Variants in ANKRD44 observed in about 807,000 individuals in gnomAD.
ANKRD44 encodes ankyrin repeat domain 44.
A neutral mutation model predicts 116.0 loss-of-function variants in ANKRD44; 35 were observed. That is an observed-to-expected ratio of 0.30 (90% confidence interval 0.23 to 0.40). ANKRD44 has a LOEUF of 0.40. Among genes scored for constraint, ANKRD44 ranks in the 10% least tolerant of loss-of-function variants. The probability of loss-of-function intolerance (pLI) is 1.00; values close to 1 mark genes in which losing one functional copy is unlikely to be tolerated. For missense variants in ANKRD44, 1,014 were observed against 1,242.6 expected, an observed-to-expected ratio of 0.82 and a Z score of 2.77; for synonymous variants, 435 against 461.8, an observed-to-expected ratio of 0.94 and a Z score of 0.74.
At chr2:197,068,394 A>AT (rs71012946) in intron 16 of ANKRD44, among the ~76,000 whole-genome samples, 97,976 of 139,946 alleles carry the variant, frequency 0.7, 35,816 homozygotes, top group East Asian at 0.85. Context: ...AAATAAAAAA[A>AT]AAATAAAAAT....
intron 1 of ANKRD44, among the ~76,000 whole-genome samples, chr2:197,236,232 A>G (rs2081974481): frequency 6.6e-6 from 1 of 152,144 alleles, no homozygotes; most frequent in Non-Finnish European, 1.5e-5. Context: ...CTGCAGCCTG[A>G]CTGTGTGTAA....
intron 26 of ANKRD44, among the ~76,000 whole-genome samples, chr2:196,993,944 G>A (rs1053185065): frequency 2.6e-5 from 4 of 152,142 alleles, no homozygotes; most frequent in African/African-American, 9.7e-5. Flanking sequence ...CGAAGACAGA[G>A]GAAGAACTCA....
chr2:197,171,782 A>G (rs1421881622), intron 2 of ANKRD44, among the ~76,000 whole-genome samples: 1 of 152,184 alleles, frequency 6.6e-6, no homozygotes, highest in Non-Finnish European at 1.5e-5. Context: ...GAGGAAGCCA[A>G]CCATGTGTAG....
At chr2:197,229,167 G>A (rs1203983895) in intron 1 of ANKRD44, among the ~76,000 whole-genome samples, 2 of 152,116 alleles carry the variant, frequency 1.3e-5, no homozygotes, top group African/African-American at 4.8e-5. Context: ...AAAAAGTTAA[G>A]GCATAAAACA....
chr2:197,255,856 T>G (rs761207379), intron 1 of ANKRD44, among the ~76,000 whole-genome samples: 1 of 152,252 alleles, frequency 6.6e-6, no homozygotes, highest in Non-Finnish European at 1.5e-5. Flanking sequence ...CTGCGCTTCA[T>G]GTAAGACGTT....
chr2:197,081,143 G>A (rs973563660), intron 15 of ANKRD44, among the ~76,000 whole-genome samples: 2 of 152,212 alleles, frequency 1.3e-5, no homozygotes, highest in African/African-American at 4.8e-5. Context: ...CAGGTGGGAT[G>A]AGGGGCCCAG....
At chr2:197,036,833 G>C (rs759699952) in intron 16 of ANKRD44, among the ~76,000 whole-genome samples, 3 of 152,178 alleles carry the variant, frequency 2.0e-5, no homozygotes, top group Non-Finnish European at 4.4e-5. Flanking sequence ...ATATACTTTT[G>C]ACCTAGTAAA....
chr2:197,241,604 G>GA (rs1156963060), intron 1 of ANKRD44, among the ~76,000 whole-genome samples: 2 of 151,810 alleles, frequency 1.3e-5, no homozygotes, highest in Non-Finnish European at 2.9e-5. Flanking sequence ...TTGCAATCTG[G>GA]AAAAAGTTAT....
chr2:197,012,651 A>G (rs1330057085), intron 18 of ANKRD44, among the ~76,000 whole-genome samples: 2 of 152,102 alleles, frequency 1.3e-5, no homozygotes, highest in Non-Finnish European at 2.9e-5. Flanking sequence ...AGGGACATAG[A>G]TGGAAATAGT....
chr2:197,010,855 T>C (rs2076286697), intron 18 of ANKRD44, among the ~76,000 whole-genome samples: 1 of 152,242 alleles, frequency 6.6e-6, no homozygotes, highest in South Asian at 2.1e-4. Context: ...ACAGACCTTT[T>C]ATTTGCTTGC....
At chr2:197,056,223 T>C (rs2077200044) in intron 16 of ANKRD44, among the ~76,000 whole-genome samples, 1 of 152,176 alleles carries the variant, frequency 6.6e-6, no homozygotes, top group Non-Finnish European at 1.5e-5. Context: ...GATTGCCTCA[T>C]ATATTCTTTA....
chr2:197,065,715 T>A (rs2077417543), intron 16 of ANKRD44, among the ~76,000 whole-genome samples: 1 of 152,096 alleles, frequency 6.6e-6, no homozygotes, highest in Non-Finnish European at 1.5e-5. Context: ...ATGGATAAAT[T>A]CCTGGACATA....
At chr2:197,263,016 G>A (rs955046491) in intron 1 of ANKRD44, 5 of 257,556 alleles carry the variant, frequency 1.9e-5, no homozygotes, top group Non-Finnish European at 7.7e-6. Context: ...GATATGCTCT[G>A]GTGCTGTCTG....
chr2:197,232,665 G>A (rs556004815), intron 1 of ANKRD44, among the ~76,000 whole-genome samples: 2 of 152,250 alleles, frequency 1.3e-5, no homozygotes, highest in Non-Finnish European at 2.9e-5. Flanking sequence ...TCTGGCCTGG[G>A]GCTACCTTTC....
rs550271339 is a variant in ANKRD44 at position 197,167,269 on chromosome 2, A to G, written c.111+19754T>C. ...AACACATACATTTTTATTCTTTCAT[A>G]AACTTCATATACATGCCACTATATT... is the stretch of plus-strand genomic sequence containing the variant. On this transcript the variant is annotated intron_variant, in intron 2 of 27. Coordinates refer to ENST00000282272, the MANE Select transcript of ANKRD44 (RefSeq NM_001195144.2). Among the ~76,000 whole-genome samples the G allele has an allele frequency of 2.6e-5, 4 of 152,356 alleles. No homozygotes were observed. In the South Asian group the frequency reaches 8.3e-4, roughly 32 times the overall value.
intron 1 of ANKRD44, among the ~76,000 whole-genome samples, chr2:197,232,482 A>C (rs1250799522): frequency 6.6e-6 from 1 of 152,248 alleles, no homozygotes; most frequent in Non-Finnish European, 1.5e-5. Context: ...TGCCAGGTAG[A>C]AATGGGAGAA....
intron 16 of ANKRD44, among the ~76,000 whole-genome samples, chr2:197,075,111 G>A (rs1553502103): frequency 6.6e-6 from 1 of 152,096 alleles, no homozygotes; most frequent in Non-Finnish European, 1.5e-5. Context: ...ATCTCAGCCT[G>A]AAAGTAATCA....
At chr2:197,060,391 T>C (rs2077284965) in intron 16 of ANKRD44, among the ~76,000 whole-genome samples, 1 of 152,248 alleles carries the variant, frequency 6.6e-6, no homozygotes, top group Non-Finnish European at 1.5e-5. Context: ...CCCAGTTTTA[T>C]TGAGGAGTAA....
rs1281737207 is a variant in ANKRD44, at chr2:197,273,987, A to ATC, written c.27+36590_27+36591insGA. On this transcript the variant is annotated intron_variant, in intron 1 of 27. Transcript: ENST00000282272. The stretch of plus-strand genomic sequence containing the variant: ...AAAAAAAAAAAAAAAAAAAATATAT[A>ATC]TATATATATATATATATATATATAT... Among the ~76,000 whole-genome samples the ATC allele has an allele frequency of 5.8e-4, 12 of 20,612 alleles. 1 individual carries two copies. Among genetic ancestry groups the ATC allele is most frequent in the Non-Finnish European group, 1.2e-3 (12 of 10,404 alleles). The allele number at this position is 20,612 out of a possible 152,430, so 13.5% of individuals were successfully genotyped here.
Sources: gnomAD v4.1 joint callset for allele counts (sites outside exome capture counted in the v4.1 genomes callset) on GRCh38, gnomAD v4.1.1 for gene constraint, MANE v1.5 for transcripts, NCBI Gene and HGNC (gene_info 2026-07-23, HGNC 2026-07-21) for gene names.